The following COPA variants were observed in gnomAD, a reference collection of about 807,000 sequenced individuals.
COPA encodes the protein coatomer subunit alpha.
In COPA, 10 loss-of-function variants were observed where a neutral mutation model predicts 158.7. The ratio of observed to expected loss-of-function variants is 0.06; its 90% confidence interval spans 0.04 to 0.11. The LOEUF (loss-of-function observed/expected upper bound fraction) is 0.11. Among genes scored for constraint, COPA ranks in the 10% least tolerant of loss-of-function variants. COPA has a pLI of 1.00. For synonymous variants in COPA, 462 were observed against 542.8 expected, an observed-to-expected ratio of 0.85 and a Z score of 2.07; for missense variants, 1,065 against 1,536.7, an observed-to-expected ratio of 0.69 and a Z score of 5.13.
Position 160,290,183 on chromosome 1 carries a change from T to A in COPA, c.3649A>T (p.Arg1217Trp). The change falls in exon 33 of 33, where the codon AGG becomes TGG. Residue 1217 changes from arginine to tryptophan, a missense_variant. Arg to Trp is a moderately radical substitution (Grantham distance 101). This residue lies in a region of COPA where 980 missense variants were observed against 1,357.8 expected (regional missense o/e 0.72). Transcript: ENST00000241704. Reference protein sequence around the residue: ...TEIGKDVIGLRISPLQFR With the variant: ...TEIGKDVIGLWISPLQFR ...TAGCGAAACTGCAGAGGACTGATCCTTAAACCAATCACATCTTTGCCAATC... is the reference window on the plus strand; with the variant it reads ...TAGCGAAACTGCAGAGGACTGATCCATAAACCAATCACATCTTTGCCAATC... The A allele has an allele frequency of 1.2e-6, 2 of 1,614,178 alleles. No homozygotes were observed. The highest frequency in any genetic ancestry group is 1.7e-6 in the Non-Finnish European group (2 of 1,180,032).
At chr1:160,303,207 A>G (rs1051825748) in intron 17 of COPA, among the ~76,000 whole-genome samples, 6 of 152,124 alleles carry the variant, frequency 3.9e-5, no homozygotes, top group African/African-American at 1.4e-4. Context: ...TCAAAACAGC[A>G]ACAACAACAA....
chr1:160,314,400 AG>A (rs1230271372), intron 8 of COPA, among the ~76,000 whole-genome samples: 1 of 152,244 alleles, frequency 6.6e-6, no homozygotes, highest in Non-Finnish European at 1.5e-5. Flanking sequence ...AGGCTAAGGT[AG>A]GGGGATCACT....
intron 17 of COPA, among the ~76,000 whole-genome samples, chr1:160,302,309 A>C (rs1658634543): frequency 6.6e-6 from 1 of 152,104 alleles, no homozygotes; most frequent in Admixed American, 6.5e-5. Flanking sequence ...TAAAACCATC[A>C]AGTGTCTAAT....
At chr1:160,327,813 C>G (rs913881359) in intron 6 of COPA, among the ~76,000 whole-genome samples, 2 of 151,382 alleles carry the variant, frequency 1.3e-5, no homozygotes, top group Non-Finnish European at 2.9e-5. Flanking sequence ...AGCTGAGATC[C>G]CGCCACTGCA....
chr1:160,331,796 A>C (rs1430359864), intron 6 of COPA, among the ~76,000 whole-genome samples: 3 of 152,002 alleles, frequency 2.0e-5, no homozygotes, highest in Non-Finnish European at 2.9e-5. Flanking sequence ...TAAGATACAA[A>C]AATTAGCCAG....
intron 25 of COPA, 115 bp downstream of exon 25, chr1:160,294,369 G>A (rs1338263946): frequency 1.2e-6 from 1 of 844,974 alleles, no homozygotes; most frequent in African/African-American, 1.7e-5. Context: ...CTGACCTTAG[G>A]ATAGTGGTAG....
intron 8 of COPA, among the ~76,000 whole-genome samples, chr1:160,314,748 C>A (rs747112541): frequency 2.0e-5 from 3 of 152,144 alleles, no homozygotes; most frequent in Non-Finnish European, 2.9e-5. Flanking sequence ...TTTTCAGGGA[C>A]CTGCCACTTT....
At chr1:160,297,872 CT>C in intron 19 of COPA, 127 bp from the exon 20 acceptor site, 2 of 1,042,268 alleles carry the variant, frequency 1.9e-6, no homozygotes, top group Non-Finnish European at 1.4e-6. Flanking sequence ...TTACTCCTAG[CT>C]TTTAGTCTAA....
At chr1:160,322,417 C>T (rs1367037583) in intron 8 of COPA, among the ~76,000 whole-genome samples, 1 of 152,050 alleles carries the variant, frequency 6.6e-6, no homozygotes, top group Admixed American at 6.5e-5. Flanking sequence ...TCTCACCACA[C>T]ACAAAAATCA....
At chr1:160,335,351 G>C in intron 3 of COPA, 29 bp from the exon 4 acceptor site, 1 of 1,589,204 alleles carries the variant, frequency 6.3e-7, no homozygotes, top group South Asian at 1.2e-5. Flanking sequence ...CTAAGAAACA[G>C]AAATAGTTAT....
chr1:160,293,472 A>G lies in COPA; in HGVS notation c.2677-9T>C. 2 of 1,570,500 alleles carry G rather than the reference A, an allele frequency of 1.3e-6. No homozygotes were observed. The highest frequency in any genetic ancestry group is 1.7e-6 in the Non-Finnish European group (2 of 1,165,868). ...GCCCCAGGGGATATATCCTAGGGGA[A>G]AAACAAAAATTGAGTATTGAGTAAT... On this transcript the variant is annotated splice_polypyrimidine_tract_variant and intron_variant, in intron 25 of 32. Transcript: ENST00000241704.
rs1215719742 is a variant in COPA at position 160,289,051 on chromosome 1, A to G, written c.*1106T>C. ...GGTGGCGCGATCTCAGCTTACTGCAACCTCCGCCTCCCGGGTTCAAGCAAT... is the reference window on the plus strand; with the variant it reads ...GGTGGCGCGATCTCAGCTTACTGCAGCCTCCGCCTCCCGGGTTCAAGCAAT... On this transcript the variant is annotated 3_prime_UTR_variant, in exon 33 of 33. Transcript: ENST00000241704. Among the ~76,000 whole-genome samples the G allele has an allele frequency of 6.6e-6, 1 of 151,190 alleles. No homozygotes were observed. Among genetic ancestry groups the G allele is most frequent in the African/African-American group, 2.4e-5 (1 of 41,038 alleles).
rs754871731 is a variant in COPA at position 160,296,146 on chromosome 1, G to A, written c.2267C>T (p.Ser756Phe). The part of the protein sequence containing the change: ...VRILKNCGQK[S>F]LAYLTAATHG... ...GGTAGCAGCTGTGAGATAGGCCAGGGACTCTGTAGAGAAAACAGACTTTGT... is the reference window on the plus strand; with the variant it reads ...GGTAGCAGCTGTGAGATAGGCCAGGAACTCTGTAGAGAAAACAGACTTTGT... Residue 756 changes from serine (S) to phenylalanine (F), a missense_variant, in exon 22 of 33, where the codon TCC becomes TTC. By Grantham distance (155) the Ser-to-Phe change is radical. Around this residue, in one of 2 missense-constraint regions of COPA, gnomAD observed 980 missense variants for 1,357.8 expected, o/e 0.72. Transcript: ENST00000241704. 6.2e-7 allele frequency: 1 copy of A among 1,614,040 alleles called. No individual in the cohort carries two copies. Among genetic ancestry groups the A allele is most frequent in the Middle Eastern group, 1.6e-4 (1 of 6,062 alleles).
intron 6 of COPA, among the ~76,000 whole-genome samples, chr1:160,329,705 A>C (rs74123106): frequency 0.047 from 7,139 of 152,328 alleles, 531 homozygotes; most frequent in African/African-American, 0.16. Context: ...TTCTCTATGA[A>C]CTAGAATAGC....
At chr1:160,303,177 C>A (rs1658671874) in intron 17 of COPA, among the ~76,000 whole-genome samples, 1 of 151,968 alleles carries the variant, frequency 6.6e-6, no homozygotes, top group Non-Finnish European at 1.5e-5. Context: ...CCAGCCTGGG[C>A]AACAGAGTGA....
chr1:160,291,272 T>A, intron 31 of COPA, 63 bp downstream of exon 31: 4 of 1,578,888 alleles, frequency 2.5e-6, no homozygotes, highest in Non-Finnish European at 3.5e-6. Flanking sequence ...AGGACCTTGG[T>A]CTGCTCCCTC....
rs1658193703 is a variant in COPA, at chr1:160,290,567, C to T, written c.3540G>A (p.Lys1180=). 1 of 1,614,212 alleles carries T rather than the reference C, an allele frequency of 6.2e-7. No individual in the cohort carries two copies. Residue 1180 remains lysine, a synonymous_variant, in exon 32 of 33, where the codon AAG becomes AAA. Transcript: ENST00000241704. ...AASYRPIYRG[K]PVEKCPLSGA... ...CACTGAGTGGACACTTTTCTACTGG[C>T]TTTCCACGGTAGATGGGCCGATATG... is the stretch of plus-strand genomic sequence containing the variant.
At chr1:160,320,468 G>A (rs1659294446) in intron 8 of COPA, among the ~76,000 whole-genome samples, 1 of 151,604 alleles carries the variant, frequency 6.6e-6, no homozygotes, top group Non-Finnish European at 1.5e-5. Context: ...AAATTAGCTG[G>A]GTATGGTGGC....
At position 160,299,271 on chromosome 1, in the gene COPA, A is replaced by C; in HGVS notation, c.1668-7T>G. The C allele has an allele frequency of 1.2e-6, 2 of 1,604,394 alleles. No individual in the cohort carries two copies. The highest frequency in any genetic ancestry group is 1.7e-6 in the Non-Finnish European group (2 of 1,172,280). On this transcript the variant is annotated splice_region_variant and splice_polypyrimidine_tract_variant and intron_variant, in intron 17 of 32. Transcript: ENST00000241704. Reference sequence around the variant, plus strand: ...TCGAATGATCCCGTGGTCCCTAAGAACAGAGGGCACAGCTTTCAGTAAGTG... The same window carrying C: ...TCGAATGATCCCGTGGTCCCTAAGACCAGAGGGCACAGCTTTCAGTAAGTG...
Sources: gnomAD v4.1 joint callset for allele counts (sites outside exome capture counted in the v4.1 genomes callset) on GRCh38, gnomAD v4.1.1 for gene constraint, gnomAD v4.1.1 regional missense constraint, MANE v1.5 for transcripts, NCBI Gene and HGNC (gene_info 2026-07-23, HGNC 2026-07-21) for gene names.